Variants in SH3GL2 observed in about 807,000 individuals in gnomAD.
The protein encoded by SH3GL2 is endophilin-A1.
SH3GL2 carries 24 observed loss-of-function variants against 46.0 expected under a neutral mutation model. The observed-to-expected ratio is 0.52, with a 90% CI of 0.38 to 0.73. SH3GL2 has a LOEUF of 0.73. SH3GL2 is among the 30% of genes least tolerant of loss of function. The pLI, the probability that SH3GL2 is intolerant of heterozygous loss-of-function variation, is 0.00. For synonymous variants in SH3GL2, 196 were observed against 147.1 expected (o/e 1.33, Z -2.40); for missense variants, 413 against 424.2 (o/e 0.97, Z 0.23).
chr9:17,637,253 T>C (rs1819562471), intron 1 of SH3GL2, among the ~76,000 whole-genome samples: 1 of 152,194 alleles, frequency 6.6e-6, no homozygotes, highest in African/African-American at 2.4e-5. Context: ...ATCTTATTAA[T>C]GAAGCTTATT....
chr9:17,654,091 G>A (rs953327482), intron 1 of SH3GL2, among the ~76,000 whole-genome samples: 40 of 152,222 alleles, frequency 2.6e-4, no homozygotes, highest in African/African-American at 8.7e-4. Flanking sequence ...GTCAAGACAC[G>A]GAGAGAGCTG....
chr9:17,599,214 G>A (rs2208485), intron 1 of SH3GL2, among the ~76,000 whole-genome samples: 53,912 of 151,932 alleles, frequency 0.35, 10,991 homozygotes, highest in East Asian at 0.57. Context: ...TTTGAAATGG[G>A]GAATACTTTC....
At chr9:17,703,344 A>T (rs946329340) in intron 1 of SH3GL2, among the ~76,000 whole-genome samples, 5 of 152,058 alleles carry the variant, frequency 3.3e-5, no homozygotes, top group African/African-American at 9.7e-5. Flanking sequence ...TTGAATTTTG[A>T]TGTAATAATC....
rs375349534 is a variant in SH3GL2 at position 17,695,250 on chromosome 9, A to G, written c.46-51816A>G. Among the ~76,000 whole-genome samples, 259 of 152,240 alleles carry G rather than the reference A, an allele frequency of 1.7e-3. 1 individual carries two copies. The highest frequency in any genetic ancestry group is 0.017 in the Middle Eastern group (5 of 294). ...TATCAAGATATTTTCATTTTCTCAAAGTGAAATGCGATCCCTTTAACTTCT... is the reference window on the plus strand; with the variant it reads ...TATCAAGATATTTTCATTTTCTCAAGGTGAAATGCGATCCCTTTAACTTCT... On this transcript the variant is annotated intron_variant, in intron 1 of 8. Coordinates refer to ENST00000380607, the MANE Select transcript of SH3GL2 (RefSeq NM_003026.5).
rs1433444435 is a variant in SH3GL2 at position 17,751,470 on chromosome 9, T to TTGTTTGTGCGTGTG, written c.114+4339_114+4340insTTGTGCGTGTGTGT. On this transcript the variant is annotated intron_variant, in intron 2 of 8. Coordinates refer to ENST00000380607, the MANE Select transcript of SH3GL2 (RefSeq NM_003026.5). ...AGCTGGGTTTTTGGTGTGTGTGTTT[T>TTGTTTGTGCGTGTG]TGTGTGTGCGTGTGTGTGTGTGTGT... Among the ~76,000 whole-genome samples the TTGTTTGTGCGTGTG allele has an allele frequency of 5.6e-3, 738 of 132,972 alleles. 6 individuals carry two copies. The highest frequency in any genetic ancestry group is 0.021 in the African/African-American group (698 of 33,106). The allele number at this position is 132,972 out of a possible 152,430, so 87.2% of individuals were successfully genotyped here.
intron 1 of SH3GL2, among the ~76,000 whole-genome samples, chr9:17,720,895 G>T (rs1297505502): frequency 6.6e-6 from 1 of 152,152 alleles, no homozygotes; most frequent in Non-Finnish European, 1.5e-5. Flanking sequence ...ATCGTTTGCT[G>T]CAGTGGTCAC....
At chr9:17,647,664 T>C (rs1277683165) in intron 1 of SH3GL2, among the ~76,000 whole-genome samples, 1 of 152,170 alleles carries the variant, frequency 6.6e-6, no homozygotes, top group South Asian at 2.1e-4. Context: ...TTCTTAATGG[T>C]AGTAATTATT....
intron 1 of SH3GL2, among the ~76,000 whole-genome samples, chr9:17,703,168 C>G (rs185122308): frequency 6.6e-6 from 1 of 151,956 alleles, no homozygotes; most frequent in East Asian, 1.9e-4. Flanking sequence ...AATTTCCCAC[C>G]CTTTATCAAA....
intron 1 of SH3GL2, among the ~76,000 whole-genome samples, chr9:17,696,729 A>T (rs1286287392): frequency 6.6e-6 from 1 of 152,104 alleles, no homozygotes; most frequent in African/African-American, 2.4e-5. Context: ...ACACATGGGG[A>T]TTATGGGAAC....
chr9:17,704,035 G>T (rs1308612730), intron 1 of SH3GL2, among the ~76,000 whole-genome samples: 1 of 152,038 alleles, frequency 6.6e-6, no homozygotes, highest in African/African-American at 2.4e-5. Context: ...TCTATACCTA[G>T]AAAATCCCAT....
intron 1 of SH3GL2, among the ~76,000 whole-genome samples, chr9:17,666,046 G>T (rs1237249633): frequency 2.0e-5 from 3 of 150,770 alleles, no homozygotes; most frequent in African/African-American, 7.3e-5. Flanking sequence ...CTACTTATTT[G>T]CTCACTTTTA....
At chr9:17,678,665 G>T (rs1160892979) in intron 1 of SH3GL2, among the ~76,000 whole-genome samples, 1 of 152,118 alleles carries the variant, frequency 6.6e-6, no homozygotes, top group Non-Finnish European at 1.5e-5. Flanking sequence ...TTTGTCTTTT[G>T]TTGCCATTGC....
chr9:17,708,343 A>G (rs1316670126), intron 1 of SH3GL2, among the ~76,000 whole-genome samples: 2 of 152,062 alleles, frequency 1.3e-5, no homozygotes, highest in Middle Eastern at 3.4e-3. Flanking sequence ...CACGCTTTAT[A>G]TATTTCATTT....
chr9:17,643,414 A>G (rs562381642), intron 1 of SH3GL2, among the ~76,000 whole-genome samples: 2 of 152,190 alleles, frequency 1.3e-5, no homozygotes, highest in African/African-American at 4.8e-5. Context: ...AGAACTTCCA[A>G]TACTATGTTG....
chr9:17,742,624 A>G (rs1822558903), intron 1 of SH3GL2, among the ~76,000 whole-genome samples: 1 of 152,224 alleles, frequency 6.6e-6, no homozygotes, highest in African/African-American at 2.4e-5. Context: ...ACTACATTGC[A>G]GTGAAATTCA....
intron 3 of SH3GL2, among the ~76,000 whole-genome samples, chr9:17,769,984 G>A (rs937704975): frequency 1.3e-5 from 2 of 152,124 alleles, no homozygotes; most frequent in African/African-American, 4.8e-5. Flanking sequence ...TGGTGCTAGC[G>A]ATTGATTAAT....
At chr9:17,583,380 A>G (rs1818314100) in intron 1 of SH3GL2, among the ~76,000 whole-genome samples, 1 of 152,154 alleles carries the variant, frequency 6.6e-6, no homozygotes, top group African/African-American at 2.4e-5. Flanking sequence ...TGATTAAGTC[A>G]TGAATGGGAT....
intron 1 of SH3GL2, among the ~76,000 whole-genome samples, chr9:17,739,602 G>A (rs1472231247): frequency 9.8e-6 from 1 of 102,098 alleles, no homozygotes; most frequent in African/African-American, 4.0e-5. Context: ...TGGGGGAGTT[G>A]AAAAATAGAG....
chr9:17,765,618 G>A (rs1009658899), intron 3 of SH3GL2, among the ~76,000 whole-genome samples: 1 of 152,162 alleles, frequency 6.6e-6, no homozygotes, highest in Admixed American at 6.5e-5. Context: ...CTCCCTGCAT[G>A]GTCAGCCTGC....
Sources: gnomAD v4.1 joint callset for allele counts (sites outside exome capture counted in the v4.1 genomes callset) on GRCh38, gnomAD v4.1.1 for gene constraint, MANE v1.5 for transcripts, NCBI Gene and HGNC (gene_info 2026-07-23, HGNC 2026-07-21) for gene names.